E4F1: variants seen among roughly 807,000 people sequenced by gnomAD.
The protein encoded by E4F1 is transcription factor E4F1.
E4F1 carries 30 observed loss-of-function variants against 72.9 expected under a neutral mutation model. The observed-to-expected ratio is 0.41, with a 90% CI of 0.31 to 0.56. The LOEUF (loss-of-function observed/expected upper bound fraction) is 0.56. Ranked by LOEUF, E4F1 falls within the 20% of genes least tolerant of loss-of-function variation. The pLI is 0.25. For synonymous variants in E4F1, 542 were observed against 478.2 expected (o/e 1.13, Z -1.74); for missense variants, 1,091 against 1,117.5 (o/e 0.98, Z 0.34).
rs2093501629 is a variant in E4F1 at position 2,235,370 on chromosome 16, G to A, written c.2153G>A (p.Ser718Asn). The change falls in exon 14 of 14, where the codon AGC (serine) becomes AAC (asparagine). Residue 718 changes from serine (S) to asparagine (N), a missense_variant. By Grantham distance (46) the Ser-to-Asn change is conservative. This residue lies in a region of E4F1 where 622 missense variants were observed against 628.0 expected (regional missense o/e 0.99). Transcript: ENST00000301727. ...ADTITIATPE[S>N]LTEQVAMTLA... Reference sequence around the variant, plus strand: ...ACCATCACCATCGCCACCCCCGAGAGCCTGACAGAGCAGGTGGCCATGACG... The same window carrying A: ...ACCATCACCATCGCCACCCCCGAGAACCTGACAGAGCAGGTGGCCATGACG... The A allele has an allele frequency of 6.2e-7, 1 of 1,610,294 alleles. No individual in the cohort carries two copies. The highest frequency in any genetic ancestry group is 8.5e-7 in the Non-Finnish European group (1 of 1,179,930).
chr16:2,232,247 C>T lies in E4F1; in HGVS notation c.492C>T (p.Gly164=), dbSNP rs1039633956. Residue 164 remains glycine, a synonymous_variant, in exon 4 of 14, where the codon GGC becomes GGT. Coordinates refer to ENST00000301727, the MANE Select transcript of E4F1 (RefSeq NM_004424.5). ...ACGGTGAGATGGCCGAGGCCCCGGG[C>T]AGCCCCCGCCAGCAGGGGCTGGGGC... ...LGDGEMAEAP[G]SPRQQGLGLA... 3 of 1,612,600 alleles carry T rather than the reference C, an allele frequency of 1.9e-6. No homozygotes were observed. Among genetic ancestry groups the T allele is most frequent in the East Asian group, 2.2e-5 (1 of 44,868 alleles).
chr16:2,229,633 G>A lies in E4F1; in HGVS notation c.373G>A (p.Ala125Thr). Residue 125 changes from alanine to threonine, a missense_variant, in exon 3 of 14, where the codon GCC becomes ACC. Ala to Thr is a moderately conservative substitution (Grantham distance 58). Around this residue, in one of 5 missense-constraint regions of E4F1, gnomAD observed 362 missense variants for 358.6 expected, o/e 1.01. Coordinates refer to ENST00000301727, the MANE Select transcript of E4F1 (RefSeq NM_004424.5). ...TGTGGCCCACATCGTGGTGGAGGCG[G>A]CCTCTCTGGCAGCAGACATCAGCCA... ...ITVAHIVVEA[A>T]SLAADISHAS... The A allele has an allele frequency of 6.2e-7, 1 of 1,612,906 alleles. No individual in the cohort carries two copies. The highest frequency in any genetic ancestry group is 2.2e-5 in the East Asian group (1 of 44,892).
chr16:2,234,013 G>A, intron 9 of E4F1, 23 bp downstream of exon 9: 2 of 1,567,038 alleles, frequency 1.3e-6, no homozygotes, highest in Non-Finnish European at 1.7e-6. Flanking sequence ...TGGGTGTGTG[G>A]CCCATGGCAG....
In E4F1 at chr16:2,227,878, C is replaced by T. The variant is rs371302779; in HGVS notation, c.158-494C>T. 1.3e-4 allele frequency among the ~76,000 whole-genome samples: 19 copies of T among 146,062 alleles called. No individual in the cohort carries two copies. In the East Asian group the frequency reaches 3.0e-3, roughly 23 times the overall value. ...TGGGTCTTGCTATGTTGACCAGGCTCGTCTTGAACTCCTGGGCTCAAGCTA... is the reference window on the plus strand; with the variant it reads ...TGGGTCTTGCTATGTTGACCAGGCTTGTCTTGAACTCCTGGGCTCAAGCTA... On this transcript the variant is annotated intron_variant, in intron 1 of 13. Transcript: ENST00000301727.
rs367749621 is a variant in E4F1 at position 2,229,690 on chromosome 16, A to G, written c.415+15A>G. 4 of 1,611,868 alleles carry G rather than the reference A, an allele frequency of 2.5e-6. No individual in the cohort carries two copies. The highest frequency in any genetic ancestry group is 2.7e-5 in the African/African-American group (2 of 74,926). ...TGACCTTGTTGGTAAGCCGACTTCC[A>G]TGAATCGCTGGCCTGATAGACCTTC... On this transcript the variant is annotated intron_variant, in intron 3 of 13. Transcript: ENST00000301727.
Position 2,232,274 on chromosome 16 carries a change from C to G in E4F1, c.519C>G (p.Leu173=), listed in dbSNP as rs149258624. The G allele has an allele frequency of 6.2e-6, 10 of 1,612,080 alleles. No individual in the cohort carries two copies. The South Asian group carries it at 9.9e-5, about 16-fold the overall frequency. The change falls in exon 4 of 14, where the codon CTC becomes CTG. Residue 173 remains leucine (L), a synonymous_variant. Transcript: ENST00000301727. ...GCCCCCGCCAGCAGGGGCTGGGGCT[C>G]GCAGGGGAGGGTGAGCAGGCCCAGG... ...PGSPRQQGLG[L]AGEGEQAQVK...
At position 2,223,691 on chromosome 16, in the gene E4F1, C is replaced by T. The variant is rs370764054; in HGVS notation, c.78C>T (p.Gly26=). 12 of 1,575,932 alleles carry T rather than the reference C, an allele frequency of 7.6e-6. No individual in the cohort carries two copies. In the African/African-American group the frequency reaches 8.4e-5, roughly 11 times the overall value. ...AGGCCGAAGCCGGGCGGGAAGCGGG[C>T]GAGGGTGCAGTTGCGGCGGTGGCGG... ...EAQAEAGREA[G]EGAVAAVAAA... is the part of the protein sequence containing the mutation. The change falls in exon 1 of 14, where the codon GGC becomes GGT. Residue 26 remains glycine, a synonymous_variant. Transcript: ENST00000301727.
chr16:2,230,321 C>G (rs945286761), intron 3 of E4F1: 2 of 153,832 alleles, frequency 1.3e-5, no homozygotes, highest in African/African-American at 2.4e-5. Context: ...TGGGCAGGCT[C>G]TCATCGGGGA....
Position 2,225,578 on chromosome 16 carries a change from A to G in E4F1, c.157+1808A>G, listed in dbSNP as rs185596737. On this transcript the variant is annotated intron_variant, in intron 1 of 13. Transcript: ENST00000301727. ...AACCTCCGCCTCCCGGGTTCAAGCT[A>G]TTCTCCTGACTCGGCCTCCTGAGTA... Among the ~76,000 whole-genome samples, 151 of 150,116 alleles carry G rather than the reference A, an allele frequency of 1.0e-3. 2 individuals carry two copies. The highest frequency in any genetic ancestry group is 3.6e-3 in the African/African-American group (146 of 40,748).
chr16:2,227,985 C>T (rs1178124361), intron 1 of E4F1, among the ~76,000 whole-genome samples: 3 of 152,108 alleles, frequency 2.0e-5, no homozygotes, highest in South Asian at 2.1e-4. Context: ...AAATCCTGGT[C>T]CTTTACTGTC....
chr16:2,234,999 G>C lies in E4F1; in HGVS notation c.1933G>C (p.Glu645Gln), dbSNP rs148830665. The C allele has an allele frequency of 2.4e-5, 39 of 1,611,212 alleles. No homozygotes were observed. The African/African-American group carries it at 4.5e-4, about 19-fold the overall frequency. ...VVADTQEYIIEATADDAETSE... is the reference protein window; with the variant it reads ...VVADTQEYIIQATADDAETSE... ...AGCTGACACCCAGGAGTATATCATC[G>C]AGGTGGGTGTGGGGCCCTGGGGCCG... is the stretch of plus-strand genomic sequence containing the variant. The change falls in exon 12 of 14, where the codon GAG becomes CAG. Residue 645 changes from glutamate to glutamine, a missense_variant and splice_region_variant. This residue lies in a region of E4F1 where 622 missense variants were observed against 628.0 expected (regional missense o/e 0.99). Coordinates refer to ENST00000301727, the MANE Select transcript of E4F1 (RefSeq NM_004424.5).
In E4F1 at chr16:2,233,493, T is replaced by C; in HGVS notation, c.1112T>C (p.Leu371Pro). Residue 371 changes from leucine to proline, a missense_variant, in exon 8 of 14, where the codon CTG becomes CCG. This residue lies in a region of E4F1 where 622 missense variants were observed against 628.0 expected (regional missense o/e 0.99). Transcript: ENST00000301727. ...CSSEGSRENL[L>P]HQAMQNSGIV... Reference sequence around the variant, plus strand: ...AGCGAGGGCAGCCGTGAGAACCTGCTGCACCAGGCCATGCAGAACTCCGGC... The same window carrying C: ...AGCGAGGGCAGCCGTGAGAACCTGCCGCACCAGGCCATGCAGAACTCCGGC... 2.0e-6 allele frequency: 3 copies of C among 1,509,338 alleles called. No homozygotes were observed. Among genetic ancestry groups the C allele is most frequent in the Non-Finnish European group, 2.7e-6 (3 of 1,131,128 alleles). 93.5% of individuals were successfully genotyped at this position (1,509,338 alleles called of 1,614,324 possible). A position where few individuals can be genotyped will look rare whatever the true frequency, so the allele number is the denominator to read the frequency against.
chr16:2,223,972 C>T (rs2093415002), intron 1 of E4F1: 1 of 1,509,692 alleles, frequency 6.6e-7, no homozygotes, highest in Non-Finnish European at 8.8e-7. Context: ...GGGCGCCTGT[C>T]ATCCCCCCTC....
At position 2,223,676 on chromosome 16, in the gene E4F1, C is replaced by T. The variant is rs2093412298; in HGVS notation, c.63C>T (p.Ala21=). 2.5e-6 allele frequency: 4 copies of T among 1,581,708 alleles called. No homozygotes were observed. Among genetic ancestry groups the T allele is most frequent in the Admixed American group, 1.7e-5 (1 of 57,592 alleles). ...ATACGGCAGAAGCCCAGGCCGAAGC[C>T]GGGCGGGAAGCGGGCGAGGGTGCAG... ...AAHTAEAQAE[A]GREAGEGAVA... Residue 21 remains alanine, a synonymous_variant, in exon 1 of 14, where the codon GCC becomes GCT. Coordinates refer to ENST00000301727, the MANE Select transcript of E4F1 (RefSeq NM_004424.5).
chr16:2,234,419 T>G, intron 10 of E4F1, 31 bp downstream of exon 10: 1 of 1,609,278 alleles, frequency 6.2e-7, no homozygotes, highest in Non-Finnish European at 8.5e-7. Context: ...CCCTGGCGCC[T>G]GATCCCCCCA....
intron 3 of E4F1, chr16:2,231,784 GGGAGCAGTGGCA>G (rs910499557): frequency 3.0e-5 from 6 of 202,580 alleles, no homozygotes; most frequent in East Asian, 1.5e-4. Flanking sequence ...CTATGTTGGT[GGGAGCAGTGGCA>G]GGAGCAGTGG....
rs1446540537 is a variant in E4F1 at position 2,232,861 on chromosome 16, T to G, written c.836T>G (p.Phe279Cys). 2.5e-6 allele frequency: 4 copies of G among 1,613,270 alleles called. No homozygotes were observed. The highest frequency in any genetic ancestry group is 3.4e-6 in the Non-Finnish European group (4 of 1,179,992). The change falls in exon 6 of 14, where the codon TTC becomes TGC. Residue 279 changes from phenylalanine (F) to cysteine (C), a missense_variant. Coordinates refer to ENST00000301727, the MANE Select transcript of E4F1 (RefSeq NM_004424.5). The part of the protein sequence containing the change: ...SLTPCTEKIR[F>C]SVSKDVVVSK... Reference sequence around the variant, plus strand: ...ACCCCCTGCACAGAGAAAATCCGCTTCAGTGTGAGCAAGGACGTGGTTGTC... The same window carrying G: ...ACCCCCTGCACAGAGAAAATCCGCTGCAGTGTGAGCAAGGACGTGGTTGTC...
intron 7 of E4F1, 90 bp downstream of exon 7, chr16:2,233,273 A>C: frequency 6.6e-7 from 1 of 1,504,660 alleles, no homozygotes. Context: ...CAGGGGTCTG[A>C]GCCAGGCAGG....
At position 2,235,181 on chromosome 16, in the gene E4F1, G is replaced by A. The variant is rs373086605; in HGVS notation, c.1999-35G>A. ...GCAGGCGGGGGCGGGGAGGCTCCCT[G>A]GCACAGCCGCTCTTGCTGAGCCGTG... On this transcript the variant is annotated intron_variant, in intron 13 of 13. Coordinates refer to ENST00000301727, the MANE Select transcript of E4F1 (RefSeq NM_004424.5). 5.6e-5 allele frequency: 90 copies of A among 1,610,444 alleles called. No homozygotes were observed. The Middle Eastern group carries it at 6.6e-4, about 12-fold the overall frequency.
Sources: gnomAD v4.1 joint callset for allele counts (sites outside exome capture counted in the v4.1 genomes callset) on GRCh38, gnomAD v4.1.1 for gene constraint, gnomAD v4.1.1 regional missense constraint, MANE v1.5 for transcripts, NCBI Gene and HGNC (gene_info 2026-07-23, HGNC 2026-07-21) for gene names.